LRRTM3: variants seen among roughly 807,000 people sequenced by gnomAD.
LRRTM3 encodes leucine rich repeat transmembrane neuronal 3.
A neutral mutation model predicts 44.7 loss-of-function variants in LRRTM3; 24 were observed. The observed-to-expected ratio is 0.54, with a 90% confidence interval of 0.39 to 0.76. LRRTM3 has a LOEUF of 0.76. Ranked by LOEUF, LRRTM3 falls within the 30% of genes least tolerant of loss-of-function variation. The pLI is 0.00. For synonymous variants in LRRTM3, 277 were observed against 278.7 expected, an observed-to-expected ratio of 0.99 and a Z score of 0.06; for missense variants, 587 against 702.2, an observed-to-expected ratio of 0.84 and a Z score of 1.85.
chr10:66,969,232 A>G (rs958249151), intron 2 of LRRTM3, among the ~76,000 whole-genome samples: 1 of 152,120 alleles, frequency 6.6e-6, no homozygotes, highest in Non-Finnish European at 1.5e-5. Context: ...ACATCTATGC[A>G]CAGGCATTTA....
chr10:67,066,907 T>C (rs1283561715), intron 2 of LRRTM3, among the ~76,000 whole-genome samples: 1 of 152,196 alleles, frequency 6.6e-6, no homozygotes, highest in Non-Finnish European at 1.5e-5. Context: ...AATATGGAAG[T>C]TTGGACATGA....
At chr10:67,073,599 C>A (rs1856580926) in intron 2 of LRRTM3, among the ~76,000 whole-genome samples, 1 of 149,466 alleles carries the variant, frequency 6.7e-6, no homozygotes, top group Non-Finnish European at 1.5e-5. Context: ...ATTAAAAAAA[C>A]AGAGATACAA....
At chr10:67,067,056 T>A (rs1470026598) in intron 2 of LRRTM3, among the ~76,000 whole-genome samples, 1 of 152,192 alleles carries the variant, frequency 6.6e-6, no homozygotes, top group African/African-American at 2.4e-5. Context: ...CAACCACTTC[T>A]GAATGAAAAT....
At chr10:66,971,910 T>A (rs1006387687) in intron 2 of LRRTM3, among the ~76,000 whole-genome samples, 5 of 152,076 alleles carry the variant, frequency 3.3e-5, no homozygotes, top group Non-Finnish European at 7.4e-5. Flanking sequence ...CTTTTTTTTT[T>A]AAACATGCTA....
At chr10:67,095,644 A>C (rs1282322754) in intron 2 of LRRTM3, among the ~76,000 whole-genome samples, 10 of 151,904 alleles carry the variant, frequency 6.6e-5, no homozygotes, top group Admixed American at 3.9e-4. Context: ...AATTATTCAC[A>C]GTAGAGTTAA....
chr10:67,091,101 T>TC (rs1171335788), intron 2 of LRRTM3, among the ~76,000 whole-genome samples: 3 of 151,940 alleles, frequency 2.0e-5, no homozygotes, highest in Non-Finnish European at 2.9e-5. Flanking sequence ...TACCAGCCTG[T>TC]ATATAAAGGT....
At chr10:66,985,071 G>T (rs183242440) in intron 2 of LRRTM3, among the ~76,000 whole-genome samples, 1 of 151,926 alleles carries the variant, frequency 6.6e-6, no homozygotes, top group Admixed American at 6.6e-5. Context: ...AGATTTTTCC[G>T]TTGTCTAGAA....
intron 2 of LRRTM3, among the ~76,000 whole-genome samples, chr10:66,962,719 C>G (rs1222953531): frequency 6.6e-6 from 1 of 152,032 alleles, no homozygotes; most frequent in African/African-American, 2.4e-5. Context: ...CCCACCTCCT[C>G]TAAGTCTTTA....
At chr10:66,976,101 C>A (rs10997461) in intron 2 of LRRTM3, among the ~76,000 whole-genome samples, 68,445 of 151,950 alleles carry the variant, frequency 0.45, 16,237 homozygotes, top group East Asian at 0.6. Flanking sequence ...GTGCTAGTAG[C>A]TTTGTATTAA....
At chr10:67,085,316 C>A (rs1857243532) in intron 2 of LRRTM3, among the ~76,000 whole-genome samples, 2 of 149,538 alleles carry the variant, frequency 1.3e-5, no homozygotes, top group Non-Finnish European at 3.0e-5. Context: ...TTATAAGAAA[C>A]AAAAGAAATA....
rs75765723 is a variant in LRRTM3 at position 66,996,828 on chromosome 10, A to G, written c.1536+68376A>G. Among the ~76,000 whole-genome samples the G allele has an allele frequency of 3.9e-4, 59 of 152,146 alleles. No individual in the cohort carries two copies. In the East Asian group the frequency reaches 9.7e-3, roughly 25 times the overall value. ...AATTTTGCTCTACAATTACACTGTT[A>G]AACACAGTAATTCTAAACAATTCCA... On this transcript the variant is annotated intron_variant, in intron 2 of 2. Transcript: ENST00000361320.
At chr10:66,946,390 T>A (rs186948260) in intron 2 of LRRTM3, among the ~76,000 whole-genome samples, 11 of 152,034 alleles carry the variant, frequency 7.2e-5, no homozygotes, top group Admixed American at 6.5e-5. Flanking sequence ...AAACAAAAAC[T>A]TTTTTTGTTG....
intron 2 of LRRTM3, among the ~76,000 whole-genome samples, chr10:66,957,401 T>TGC (rs1466457755): frequency 3.3e-5 from 1 of 30,612 alleles, no homozygotes; most frequent in Non-Finnish European, 6.0e-5. Context: ...TACATATATA[T>TGC]ATATATATAT....
In LRRTM3 at chr10:67,022,028, C is replaced by T. The variant is rs76270758; in HGVS notation, c.1537-75559C>T. Among the ~76,000 whole-genome samples the T allele has an allele frequency of 2.8e-3, 432 of 152,254 alleles. 7 individuals are homozygous for T. The East Asian group carries it at 0.042, about 15-fold the overall frequency. On this transcript the variant is annotated intron_variant, in intron 2 of 2. Coordinates refer to ENST00000361320, the MANE Select transcript of LRRTM3 (RefSeq NM_178011.5). Reference sequence around the variant, plus strand: ...GTTAAGTCGCAATAGACCTTTCCTACGCATTTGGAAGTACGAAGTGTATTT... The same window carrying T: ...GTTAAGTCGCAATAGACCTTTCCTATGCATTTGGAAGTACGAAGTGTATTT...
At chr10:66,956,235 A>T (rs1036383978) in intron 2 of LRRTM3, among the ~76,000 whole-genome samples, 2 of 151,154 alleles carry the variant, frequency 1.3e-5, no homozygotes, top group Non-Finnish European at 2.9e-5. Context: ...TGTCTTGTGC[A>T]AATCTAGGAT....
chr10:67,074,629 C>T (rs1231193187), intron 2 of LRRTM3, among the ~76,000 whole-genome samples: 6 of 152,098 alleles, frequency 3.9e-5, no homozygotes, highest in Admixed American at 2.6e-4. Context: ...GGATTACAGG[C>T]GTGAGCCACC....
chr10:67,036,327 T>C (rs1854050938), intron 2 of LRRTM3, among the ~76,000 whole-genome samples: 1 of 151,504 alleles, frequency 6.6e-6, no homozygotes, highest in Non-Finnish European at 1.5e-5. Flanking sequence ...TGGAGTGCAG[T>C]GGCGCGATCT....
chr10:67,039,006 A>G (rs1304640885), intron 2 of LRRTM3, among the ~76,000 whole-genome samples: 2 of 152,110 alleles, frequency 1.3e-5, no homozygotes, highest in African/African-American at 4.8e-5. Context: ...ATTGGAATCC[A>G]AACAGTAGAA....
rs138124510 is a variant in LRRTM3, at chr10:66,928,179, C to T, written c.1263C>T (p.Ile421=). The T allele has an allele frequency of 4.2e-5, 67 of 1,614,084 alleles. No individual in the cohort carries two copies. The highest frequency in any genetic ancestry group is 2.0e-4 in the Admixed American group (12 of 60,014). The change falls in exon 2 of 3, where the codon ATC becomes ATT. Residue 421 remains isoleucine (I), a synonymous_variant. Coordinates refer to ENST00000361320, the MANE Select transcript of LRRTM3 (RefSeq NM_178011.5). The part of the protein sequence containing the change: ...DAEHISFHKI[I]AGSVALFLSV... ...AGCACATCTCTTTCCATAAAATCAT[C>T]GCGGGCAGCGTGGCGCTTTTCCTGT...
Sources: allele counts gnomAD v4.1 joint callset (sites outside exome capture counted in the v4.1 genomes callset), GRCh38; gene constraint gnomAD v4.1.1; transcripts MANE v1.5; gene names NCBI Gene and HGNC (gene_info 2026-07-23, HGNC 2026-07-21).